ZRANB3: variants seen among roughly 807,000 people sequenced by gnomAD.
The protein encoded by ZRANB3 is zinc finger RANBP2-type containing 3.
ZRANB3 carries 125 observed loss-of-function variants against 133.8 expected under a neutral mutation model. The ratio of observed to expected loss-of-function variants is 0.93; its 90% CI spans 0.81 to 1.08. The LOEUF (loss-of-function observed/expected upper bound fraction) is 1.08, where lower values mean the gene tolerates loss of function less well. Among genes scored for constraint, ZRANB3 ranks in the 50% least tolerant of loss-of-function variants. The probability of loss-of-function intolerance (pLI) is 0.00; values close to 1 mark genes in which losing one functional copy is unlikely to be tolerated. For missense variants in ZRANB3, 1,229 were observed against 1,275.5 expected (o/e 0.96, Z 0.56); for synonymous variants, 387 against 432.7 (o/e 0.89, Z 1.31).
At position 135,197,089 on chromosome 2, in the gene ZRANB3, T is replaced by G. The variant is rs959113235; in HGVS notation, c.*3253A>C. On this transcript the variant is annotated 3_prime_UTR_variant, in exon 21 of 21. Coordinates refer to ENST00000264159, the MANE Select transcript of ZRANB3 (RefSeq NM_032143.4). ...AGCAACTGACAAACTTGAGATGGGA[T>G]AAACCCTTTCTGGTAGTTGGATATT... 6.6e-6 allele frequency: 1 copy of G among 152,232 alleles called. No individual in the cohort carries two copies. Among genetic ancestry groups the G allele is most frequent in the African/African-American group, 2.4e-5 (1 of 41,454 alleles). 9.4% of individuals were successfully genotyped at this position (152,232 alleles called of 1,614,324 possible). A position where few individuals can be genotyped will look rare whatever the true frequency, so the allele number is the denominator to read the frequency against.
chr2:135,379,454 A>G (rs1242551541), intron 3 of ZRANB3, among the ~76,000 whole-genome samples: 1 of 152,188 alleles, frequency 6.6e-6, no homozygotes, highest in Non-Finnish European at 1.5e-5. Flanking sequence ...TTGGAGCTGA[A>G]TCACTCCAAT....
intron 8 of ZRANB3, among the ~76,000 whole-genome samples, chr2:135,312,188 TTTTTA>T (rs1228211709): frequency 3.9e-5 from 5 of 127,168 alleles, no homozygotes; most frequent in Non-Finnish European, 8.0e-5. Flanking sequence ...TTTTATTTTA[TTTTTA>T]TTTTATTTTA....
At chr2:135,331,484 G>A (rs1234680484) in intron 6 of ZRANB3, among the ~76,000 whole-genome samples, 1 of 152,102 alleles carries the variant, frequency 6.6e-6, no homozygotes, top group Non-Finnish European at 1.5e-5. Flanking sequence ...CAATTATGTG[G>A]TCAATATTAG....
At chr2:135,337,348 C>T (rs1684413038) in intron 6 of ZRANB3, among the ~76,000 whole-genome samples, 1 of 152,130 alleles carries the variant, frequency 6.6e-6, no homozygotes, top group Non-Finnish European at 1.5e-5. Context: ...TGTTAACTGG[C>T]TTAGAATGAC....
At chr2:135,328,400 T>C (rs1030267608) in intron 6 of ZRANB3, among the ~76,000 whole-genome samples, 8 of 152,176 alleles carry the variant, frequency 5.3e-5, no homozygotes, top group Non-Finnish European at 1.2e-4. Context: ...ACTCATCCTT[T>C]TTTATGGCTG....
At chr2:135,440,130 C>T (rs965495437) in intron 2 of ZRANB3, among the ~76,000 whole-genome samples, 11 of 152,168 alleles carry the variant, frequency 7.2e-5, no homozygotes, top group African/African-American at 2.4e-4. Flanking sequence ...GTTTCTTATA[C>T]TTCAAAAATT....
intron 2 of ZRANB3, among the ~76,000 whole-genome samples, chr2:135,412,643 T>C (rs11904693): frequency 0.069 from 10,489 of 152,142 alleles, 753 homozygotes; most frequent in African/African-American, 0.19. Context: ...AGCTAATGTG[T>C]GAAATAATGG....
intron 2 of ZRANB3, among the ~76,000 whole-genome samples, chr2:135,402,689 C>A (rs567976721): frequency 1.3e-5 from 2 of 151,726 alleles, no homozygotes; most frequent in African/African-American, 4.8e-5. Context: ...TGGGTTCAAG[C>A]GATTCTCCTG....
chr2:135,408,550 C>T (rs1172357050), intron 2 of ZRANB3, among the ~76,000 whole-genome samples: 1 of 152,158 alleles, frequency 6.6e-6, no homozygotes, highest in Non-Finnish European at 1.5e-5. Context: ...GCACTATTCA[C>T]AATAGCAAAG....
At chr2:135,513,823 T>C (rs1332160058) in intron 1 of ZRANB3, among the ~76,000 whole-genome samples, 2 of 152,156 alleles carry the variant, frequency 1.3e-5, no homozygotes, top group Non-Finnish European at 2.9e-5. Context: ...GAAGGGGTCC[T>C]GTTTCAGTTT....
intron 2 of ZRANB3, among the ~76,000 whole-genome samples, chr2:135,452,769 T>TACCA (rs1690331128): frequency 1.3e-5 from 2 of 152,240 alleles, no homozygotes; most frequent in Non-Finnish European, 2.9e-5. Flanking sequence ...CCTGTGGCTT[T>TACCA]GCAGGGTAGA....
At chr2:135,390,741 C>G in intron 3 of ZRANB3, 61 bp downstream of exon 3, 5 of 1,539,898 alleles carry the variant, frequency 3.2e-6, no homozygotes, top group Non-Finnish European at 4.4e-6. Context: ...TGGAAAATAG[C>G]AGACACTAAA....
intron 2 of ZRANB3, among the ~76,000 whole-genome samples, chr2:135,498,591 G>A (rs1289298855): frequency 6.6e-6 from 1 of 152,194 alleles, no homozygotes; most frequent in Non-Finnish European, 1.5e-5. Flanking sequence ...GCGATGTTCA[G>A]GGAACAAGAG....
intron 12 of ZRANB3, among the ~76,000 whole-genome samples, chr2:135,250,079 G>A (rs568265627): frequency 1.3e-5 from 2 of 152,164 alleles, no homozygotes; most frequent in Non-Finnish European, 2.9e-5. Flanking sequence ...ATAGCAATAG[G>A]GACAATAAAA....
chr2:135,377,375 G>A (rs1428930019), intron 3 of ZRANB3, among the ~76,000 whole-genome samples: 1 of 152,040 alleles, frequency 6.6e-6, no homozygotes, highest in Non-Finnish European at 1.5e-5. Flanking sequence ...GAGCACCCAG[G>A]TCCTCATTCT....
At chr2:135,307,604 A>G (rs1323487929) in intron 8 of ZRANB3, among the ~76,000 whole-genome samples, 1 of 152,044 alleles carries the variant, frequency 6.6e-6, no homozygotes, top group Non-Finnish European at 1.5e-5. Flanking sequence ...TGGCTTTATC[A>G]GTTGCTTTAT....
At chr2:135,297,256 C>G (rs1416665805) in intron 8 of ZRANB3, among the ~76,000 whole-genome samples, 1 of 152,176 alleles carries the variant, frequency 6.6e-6, no homozygotes, top group Non-Finnish European at 1.5e-5. Context: ...CTTTGTTTAC[C>G]TACTGAAGCC....
intron 3 of ZRANB3, among the ~76,000 whole-genome samples, chr2:135,380,368 C>T (rs992656986): frequency 2.0e-5 from 3 of 152,218 alleles, no homozygotes; most frequent in Admixed American, 1.3e-4. Flanking sequence ...ACATTCTTCT[C>T]AGCATCACAT....
At chr2:135,369,228 T>TA (rs532798666) in intron 3 of ZRANB3, among the ~76,000 whole-genome samples, 106 of 146,174 alleles carry the variant, frequency 7.3e-4, no homozygotes, top group South Asian at 6.4e-3. Context: ...ACTGTTACGG[T>TA]AAAAAAAAAA....
Sources: allele counts gnomAD v4.1 joint callset (sites outside exome capture counted in the v4.1 genomes callset), GRCh38; gene constraint gnomAD v4.1.1; transcripts MANE v1.5; gene names NCBI Gene and HGNC (gene_info 2026-07-23, HGNC 2026-07-21).